The following ENOX1 variants were observed in gnomAD, a reference collection of about 807,000 sequenced individuals.
ENOX1 encodes ecto-NOX disulfide-thiol exchanger 1, also known as candidate growth-related and time keeping constitutive hydroquinone (NADH) oxidase.
A neutral mutation model predicts 82.5 loss-of-function variants in ENOX1; 42 were observed. The ratio of observed to expected loss-of-function variants is 0.51; its 90% CI spans 0.40 to 0.66. The LOEUF is 0.66. ENOX1 is among the 30% of genes least tolerant of loss of function. The pLI, the probability that ENOX1 is intolerant of heterozygous loss-of-function variation, is 0.00. For synonymous variants in ENOX1, 271 were observed against 282.2 expected (o/e 0.96, Z 0.40); for missense variants, 608 against 811.6 (o/e 0.75, Z 3.05).
At chr13:43,495,686 T>C (rs549223336) in intron 2 of ENOX1, among the ~76,000 whole-genome samples, 1 of 105,326 alleles carries the variant, frequency 9.5e-6, no homozygotes, top group Admixed American at 9.7e-5. Context: ...TACAAAGCCA[T>C]ATATCCTTTC....
chr13:43,556,233 G>GT (rs5803187), intron 2 of ENOX1, among the ~76,000 whole-genome samples: 4 of 148,230 alleles, frequency 2.7e-5, no homozygotes, highest in Admixed American at 1.3e-4. Context: ...AACTTGCCCA[G>GT]TTTTTTTTTT....
intron 12 of ENOX1, among the ~76,000 whole-genome samples, chr13:43,290,137 T>G (rs888998178): frequency 3.1e-4 from 47 of 152,254 alleles, no homozygotes; most frequent in African/African-American, 1.0e-3. Flanking sequence ...GAATATAAAT[T>G]AGTAAAGCCA....
chr13:43,651,504 T>C (rs1252546026), intron 2 of ENOX1, among the ~76,000 whole-genome samples: 2 of 151,392 alleles, frequency 1.3e-5, no homozygotes, highest in Admixed American at 1.3e-4. Context: ...AAGATCAGCC[T>C]GGCCGACATG....
At chr13:43,617,697 G>A (rs1176085518) in intron 2 of ENOX1, among the ~76,000 whole-genome samples, 1 of 152,198 alleles carries the variant, frequency 6.6e-6, no homozygotes, top group Non-Finnish European at 1.5e-5. Flanking sequence ...ATGTGCAAGT[G>A]TCTTTTTCAA....
chr13:43,430,221 C>T (rs561223986), intron 3 of ENOX1, among the ~76,000 whole-genome samples: 1 of 152,296 alleles, frequency 6.6e-6, no homozygotes, highest in South Asian at 2.1e-4. Context: ...AAGCTAACTT[C>T]AACAGTCTAC....
intron 2 of ENOX1, among the ~76,000 whole-genome samples, chr13:43,541,173 GTTTTTTTTT>G (rs553504525): frequency 6.0e-4 from 39 of 64,574 alleles, no homozygotes; most frequent in Admixed American, 1.2e-3. Flanking sequence ...TCTTCCCTCT[GTTTTTTTTT>G]TTTTTTTTTT....
intron 1 of ENOX1, among the ~76,000 whole-genome samples, chr13:43,743,123 T>C (rs1226640931): frequency 2.0e-5 from 3 of 152,176 alleles, no homozygotes; most frequent in South Asian, 4.1e-4. Context: ...TGTCTGTTTG[T>C]ATAAGAGGTT....
At chr13:43,715,760 G>T (rs774858937) in intron 1 of ENOX1, among the ~76,000 whole-genome samples, 1 of 151,862 alleles carries the variant, frequency 6.6e-6, no homozygotes, top group South Asian at 2.1e-4. Context: ...TGATCGCATC[G>T]GCTCCTGAGG....
chr13:43,669,001 C>T (rs975389672), intron 1 of ENOX1, among the ~76,000 whole-genome samples: 3 of 152,174 alleles, frequency 2.0e-5, no homozygotes, highest in Non-Finnish European at 2.9e-5. Context: ...CTTAGGAACA[C>T]GTCTCTTCCC....
chr13:43,423,088 T>C (rs1032108770), intron 3 of ENOX1, among the ~76,000 whole-genome samples: 1 of 152,266 alleles, frequency 6.6e-6, no homozygotes, highest in Non-Finnish European at 1.5e-5. Flanking sequence ...AGTCTTTGTA[T>C]AGGCAGGTTT....
At chr13:43,616,180 ATC>A (rs1385957202) in intron 2 of ENOX1, among the ~76,000 whole-genome samples, 1,672 of 8,872 alleles carry the variant, frequency 0.19, 465 homozygotes, top group African/African-American at 0.24. Context: ...CTATCTATCT[ATC>A]TATCTATATA....
intron 15 of ENOX1, among the ~76,000 whole-genome samples, chr13:43,232,022 C>G (rs548491125): frequency 6.6e-6 from 1 of 151,918 alleles, no homozygotes; most frequent in Non-Finnish European, 1.5e-5. Flanking sequence ...TGCTCGTGGG[C>G]TCAAGAGATC....
At chr13:43,458,357 A>G (rs535535409) in intron 3 of ENOX1, 2 of 152,322 alleles carry the variant, frequency 1.3e-5, no homozygotes, top group South Asian at 4.1e-4. Flanking sequence ...ACCCAATTAA[A>G]AAAAGCTATT....
At chr13:43,757,787 G>A (rs1178881430) in intron 1 of ENOX1, among the ~76,000 whole-genome samples, 4 of 152,008 alleles carry the variant, frequency 2.6e-5, no homozygotes, top group Non-Finnish European at 5.9e-5. Context: ...TTACCTACTA[G>A]TACACTCTTG....
intron 2 of ENOX1, among the ~76,000 whole-genome samples, chr13:43,662,487 C>G (rs1473411094): frequency 6.6e-6 from 1 of 152,124 alleles, no homozygotes; most frequent in African/African-American, 2.4e-5. Context: ...CATGTCTAAA[C>G]CTTTGGGCAG....
intron 5 of ENOX1, among the ~76,000 whole-genome samples, chr13:43,381,505 T>C (rs1375056871): frequency 7.0e-6 from 1 of 142,966 alleles, no homozygotes; most frequent in Admixed American, 6.9e-5. Flanking sequence ...AAAGAGCAAA[T>C]TGAGCCTGAA....
chr13:43,310,890 G>A (rs1237354479), intron 11 of ENOX1, among the ~76,000 whole-genome samples: 1 of 151,798 alleles, frequency 6.6e-6, no homozygotes, highest in Non-Finnish European at 1.5e-5. Flanking sequence ...AAAAGGTAGA[G>A]CTGTTTAAAA....
chr13:43,707,421 A>G (rs751702156), intron 1 of ENOX1, among the ~76,000 whole-genome samples: 2 of 152,144 alleles, frequency 1.3e-5, no homozygotes, highest in Non-Finnish European at 2.9e-5. Context: ...TGGAAATGTA[A>G]AGAACCTATA....
intron 10 of ENOX1, among the ~76,000 whole-genome samples, chr13:43,323,050 C>A (rs947525324): frequency 2.0e-5 from 3 of 152,208 alleles, no homozygotes; most frequent in Non-Finnish European, 4.4e-5. Flanking sequence ...TCATGCCAGA[C>A]ACTTGGTTTG....
Sources: allele counts gnomAD v4.1 joint callset (sites outside exome capture counted in the v4.1 genomes callset), GRCh38; gene constraint gnomAD v4.1.1; transcripts MANE v1.5; gene names NCBI Gene and HGNC (gene_info 2026-07-23, HGNC 2026-07-21).